The following LMTK2 variants were observed in gnomAD, a reference collection of about 807,000 sequenced individuals.
LMTK2 encodes the protein lemur tail kinase 2.
Under a neutral mutation model 127.5 loss-of-function variants are expected in LMTK2, and 37 were observed. That is an observed-to-expected ratio of 0.29 (90% CI 0.22 to 0.38). The LOEUF (loss-of-function observed/expected upper bound fraction) is 0.38, where lower values mean the gene tolerates loss of function less well. Among genes scored for constraint, LMTK2 ranks in the 10% least tolerant of loss-of-function variants. LMTK2 has a pLI of 1.00. For missense variants in LMTK2, 1,694 were observed against 1,920.3 expected (o/e 0.88, Z 2.20); for synonymous variants, 819 against 810.1 (o/e 1.01, Z -0.19).
At chr7:98,179,240 G>T (rs1395602702) in intron 7 of LMTK2, among the ~76,000 whole-genome samples, 1 of 152,230 alleles carries the variant, frequency 6.6e-6, no homozygotes, top group Non-Finnish European at 1.5e-5. Context: ...GAGAAGAGGA[G>T]GGAGGGACTG....
At chr7:98,202,396 A>T (rs138242274) in intron 11 of LMTK2, among the ~76,000 whole-genome samples, 2 of 152,086 alleles carry the variant, frequency 1.3e-5, no homozygotes, top group Admixed American at 6.5e-5. Context: ...GATAATTCCA[A>T]CATCTGTGGT....
intron 1 of LMTK2, among the ~76,000 whole-genome samples, chr7:98,112,672 A>G (rs1584239584): frequency 1.3e-5 from 2 of 152,218 alleles, no homozygotes; most frequent in South Asian, 4.1e-4. Flanking sequence ...GCCAGCTGTG[A>G]TTATAATTAT....
chr7:98,187,989 T>C (rs1797466664), intron 9 of LMTK2, among the ~76,000 whole-genome samples: 1 of 152,208 alleles, frequency 6.6e-6, no homozygotes, highest in Admixed American at 6.5e-5. Flanking sequence ...CATTTTTTCT[T>C]TTTGTTTTTG....
At chr7:98,185,731 T>C (rs1245631759) in intron 8 of LMTK2, among the ~76,000 whole-genome samples, 5 of 147,832 alleles carry the variant, frequency 3.4e-5, no homozygotes, top group African/African-American at 9.9e-5. Flanking sequence ...TCTTTTCCTT[T>C]CTTTTTTTTT....
Position 98,192,120 on chromosome 7 carries a change from A to G in LMTK2, c.1655A>G (p.Tyr552Cys). Residue 552 changes from tyrosine to cysteine, a missense_variant, in exon 11 of 14, where the codon TAT becomes TGT. By Grantham distance (194) the Tyr-to-Cys change is radical. This residue lies in a region of LMTK2 where 527 missense variants were observed against 539.8 expected (regional missense o/e 0.98). Coordinates refer to ENST00000297293, the MANE Select transcript of LMTK2 (RefSeq NM_014916.4). ...AHNLSVGSDYYIQLEEKSGSN... is the reference protein window; with the variant it reads ...AHNLSVGSDYCIQLEEKSGSN... ...AACCTTTCTGTTGGAAGCGACTATT[A>G]TATCCAGTTAGAAGAAAAAAGTGGT... 3 of 1,542,058 alleles carry G rather than the reference A, an allele frequency of 1.9e-6. No individual in the cohort carries two copies. The highest frequency in any genetic ancestry group is 2.6e-6 in the Non-Finnish European group (3 of 1,147,552).
In LMTK2 at chr7:98,151,469, C is replaced by T; in HGVS notation, c.450+14C>T. ...TGGTTTGGAAAGGTAAGATGCTCTT[C>T]ACTTGCATTTGTTTTCCTCTGAATG... On this transcript the variant is annotated intron_variant, in intron 4 of 13. Coordinates refer to ENST00000297293, the MANE Select transcript of LMTK2 (RefSeq NM_014916.4). 6.3e-7 allele frequency: 1 copy of T among 1,590,868 alleles called. No homozygotes were observed. The highest frequency in any genetic ancestry group is 8.6e-7 in the Non-Finnish European group (1 of 1,159,082).
intron 1 of LMTK2, among the ~76,000 whole-genome samples, chr7:98,110,886 C>T (rs934301031): frequency 2.6e-5 from 4 of 152,122 alleles, no homozygotes; most frequent in Non-Finnish European, 4.4e-5. Context: ...CCGAGCCTCT[C>T]GTTTTAGATT....
chr7:98,153,874 AGAG>A (rs372525491), intron 4 of LMTK2, among the ~76,000 whole-genome samples: 43 of 152,132 alleles, frequency 2.8e-4, no homozygotes, highest in African/African-American at 9.2e-4. Flanking sequence ...AAAAAAAAAA[AGAG>A]AGGGTGATTT....
Position 98,159,388 on chromosome 7 carries a change from C to A in LMTK2, c.620C>A (p.Ala207Glu), listed in dbSNP as rs747890701. Residue 207 changes from alanine (A) to glutamate (E), a missense_variant, in exon 6 of 14, where the codon GCG (alanine) becomes GAG (glutamate). Coordinates refer to ENST00000297293, the MANE Select transcript of LMTK2 (RefSeq NM_014916.4). ...CAGTGTGTTGGACAGTGCGTAGAAG[C>A]GATTCCCTACCTCCTGGTGTTTGAG... ...ILQCVGQCVEAIPYLLVFEFC... is the reference protein window; with the variant it reads ...ILQCVGQCVEEIPYLLVFEFC... 1.2e-6 allele frequency: 2 copies of A among 1,612,342 alleles called. No homozygotes were observed. Among genetic ancestry groups the A allele is most frequent in the Admixed American group, 1.7e-5 (1 of 59,586 alleles).
chr7:98,112,555 G>A (rs899069923), intron 1 of LMTK2, among the ~76,000 whole-genome samples: 14 of 152,176 alleles, frequency 9.2e-5, no homozygotes, highest in Admixed American at 3.3e-4. Context: ...TGGTGGCTAC[G>A]GCATTGGACA....
intron 2 of LMTK2, among the ~76,000 whole-genome samples, chr7:98,137,700 CA>C (rs371583062): frequency 6.6e-6 from 1 of 152,318 alleles, no homozygotes; most frequent in African/African-American, 2.4e-5. Context: ...TTTATTTACA[CA>C]AATAGGAGGT....
chr7:98,189,179 G>C (rs1379983585), intron 9 of LMTK2, among the ~76,000 whole-genome samples: 1 of 152,156 alleles, frequency 6.6e-6, no homozygotes, highest in Non-Finnish European at 1.5e-5. Context: ...TGTGAGGACT[G>C]TAGTGTCCAC....
At chr7:98,184,725 T>C (rs1797407592) in intron 7 of LMTK2, among the ~76,000 whole-genome samples, 1 of 151,138 alleles carries the variant, frequency 6.6e-6, no homozygotes, top group South Asian at 2.1e-4. Flanking sequence ...ACTTCTAAAT[T>C]GAATGAGAAA....
rs1310812398 is a variant in LMTK2, at chr7:98,171,240, G to C, written c.658-301G>C. On this transcript the variant is annotated intron_variant, in intron 6 of 13. Transcript: ENST00000297293. This position sits in a 1 kb window ranked among gnomAD's most constrained non-coding sequence, Gnocchi z 5.1. ...CTCCGTGTCATCTCCTAGGTAACCT[G>C]GGAGTTTCTCTAATTCTACACAGCA... is the stretch of plus-strand genomic sequence containing the variant. Among the ~76,000 whole-genome samples, 16 of 152,046 alleles carry C rather than the reference G, an allele frequency of 1.1e-4. No individual in the cohort carries two copies. The highest frequency in any genetic ancestry group is 1.5e-5 in the Non-Finnish European group (1 of 68,024).
chr7:98,193,023 G>T lies in LMTK2; in HGVS notation c.2558G>T (p.Cys853Phe). Residue 853 changes from cysteine (C) to phenylalanine (F), a missense_variant, in exon 11 of 14, where the codon TGT becomes TTT. This residue lies in a region of LMTK2 where 527 missense variants were observed against 539.8 expected (regional missense o/e 0.98). Coordinates refer to ENST00000297293, the MANE Select transcript of LMTK2 (RefSeq NM_014916.4). This position sits in a 1 kb window ranked among gnomAD's most constrained non-coding sequence, Gnocchi z 4.1. ...TCLDVIVPED[C>F]LHQDISPDAV... ...TTAGATGTTATTGTCCCGGAGGACT[G>T]TCTCCACCAGGACATCAGTCCAGAC... 1 of 1,613,996 alleles carries T rather than the reference G, an allele frequency of 6.2e-7. No homozygotes were observed. The highest frequency in any genetic ancestry group is 8.5e-7 in the Non-Finnish European group (1 of 1,179,976).
intron 9 of LMTK2, among the ~76,000 whole-genome samples, chr7:98,188,399 T>C (rs1797472124): frequency 6.6e-6 from 1 of 152,202 alleles, no homozygotes; most frequent in African/African-American, 2.4e-5. Flanking sequence ...TAATGATGAA[T>C]TCCTTCAGTT....
intron 8 of LMTK2, among the ~76,000 whole-genome samples, chr7:98,186,125 G>A (rs1349797236): frequency 2.0e-5 from 3 of 150,074 alleles, no homozygotes; most frequent in African/African-American, 7.4e-5. Context: ...GTGCAGTGGC[G>A]CGATCTCGGC....
intron 1 of LMTK2, among the ~76,000 whole-genome samples, chr7:98,128,820 C>T (rs1245848972): frequency 6.6e-6 from 1 of 152,126 alleles, no homozygotes; most frequent in Non-Finnish European, 1.5e-5. Flanking sequence ...GGGTAAACAC[C>T]TGTTTTTGAG....
intron 1 of LMTK2, among the ~76,000 whole-genome samples, chr7:98,125,316 A>G (rs1796429781): frequency 1.3e-5 from 2 of 152,038 alleles, no homozygotes; most frequent in Admixed American, 1.3e-4. Context: ...AAAAAAAAAA[A>G]ATCTCCCCAG....
Sources: gnomAD v4.1 joint callset for allele counts (sites outside exome capture counted in the v4.1 genomes callset) on GRCh38, gnomAD v4.1.1 for gene constraint, gnomAD v4.1.1 regional missense constraint, Gnocchi (gnomAD v3.1) non-coding constraint, MANE v1.5 for transcripts, NCBI Gene and HGNC (gene_info 2026-07-23, HGNC 2026-07-21) for gene names.